The following ENPP1 variants were observed in gnomAD, a reference collection of about 807,000 sequenced individuals.
ENPP1 encodes ectonucleotide pyrophosphatase/phosphodiesterase 1, also known as ectonucleotide pyrophosphatase/phosphodiesterase family member 1.
In ENPP1, 73 loss-of-function variants were observed where a neutral mutation model predicts 122.8. That is an observed-to-expected ratio of 0.59 (90% CI 0.49 to 0.72). The LOEUF (loss-of-function observed/expected upper bound fraction) is 0.72, where lower values mean the gene tolerates loss of function less well. Among genes scored for constraint, ENPP1 ranks in the 30% least tolerant of loss-of-function variants. The pLI is 0.00. For synonymous variants in ENPP1, 367 were observed against 391.6 expected (o/e 0.94, Z 0.74); for missense variants, 978 against 1,128.1 (o/e 0.87, Z 1.91).
intron 1 of ENPP1, among the ~76,000 whole-genome samples, chr6:131,824,314 C>A (rs986107901): frequency 6.6e-6 from 1 of 152,082 alleles, no homozygotes; most frequent in East Asian, 1.9e-4. Flanking sequence ...AGGGGAAAGG[C>A]CCTGGGAGAG....
chr6:131,872,862 A>G lies in ENPP1; in HGVS notation c.1438-61A>G, dbSNP rs1031556169. The G allele has an allele frequency of 1.9e-6, 3 of 1,540,346 alleles. No individual in the cohort carries two copies. The African/African-American group carries it at 4.1e-5, about 21-fold the overall frequency. ...CCTAATAAATATCTTTCCCTAAAAA[A>G]GTTGACACTTTTTTAGATATTAGGG... On this transcript the variant is annotated intron_variant, in intron 14 of 24. Transcript: ENST00000647893.
At position 131,880,372 on chromosome 6, in the gene ENPP1, G is replaced by A. The variant is rs534565902; in HGVS notation, c.2100+338G>A. 2.0e-5 allele frequency among the ~76,000 whole-genome samples: 3 copies of A among 152,144 alleles called. No homozygotes were observed. In the South Asian group the frequency reaches 6.2e-4, roughly 32 times the overall value. On this transcript the variant is annotated intron_variant, in intron 20 of 24. Coordinates refer to ENST00000647893, the MANE Select transcript of ENPP1 (RefSeq NM_006208.3). ...AGGTCAGGAGATCGAGACCATCCTG[G>A]CTAACACGGTGAAACTCCATCTCTA...
intron 7 of ENPP1, among the ~76,000 whole-genome samples, chr6:131,859,011 GTGTTAATATTCTCT>G (rs1277777600): frequency 6.6e-6 from 1 of 152,110 alleles, no homozygotes; most frequent in African/African-American, 2.4e-5. Flanking sequence ...TTTCCTTTCA[GTGTTAATATTCTCT>G]GATTCTTGTA....
chr6:131,821,219 C>A (rs1781481265), intron 1 of ENPP1, among the ~76,000 whole-genome samples: 1 of 152,142 alleles, frequency 6.6e-6, no homozygotes, highest in Non-Finnish European at 1.5e-5. Context: ...TTTGTCTGAA[C>A]AATTAAGTTT....
Position 131,893,649 on chromosome 6 carries a change from C to A in ENPP1, c.*3138C>A, listed in dbSNP as rs1305090739. On this transcript the variant is annotated 3_prime_UTR_variant, in exon 25 of 25. Transcript: ENST00000647893. ...AAAATGTCAGTCTCTACATTCTATG[C>A]TGACTGTTAAGGAAAGAGCACCCAC... 2 of 152,204 alleles carry A rather than the reference C, an allele frequency of 1.3e-5. No homozygotes were observed. Among genetic ancestry groups the A allele is most frequent in the African/African-American group, 2.4e-5 (1 of 41,460 alleles). The allele number at this position is 152,204 out of a possible 1,614,324, so 9.4% of individuals were successfully genotyped here. A position where few individuals can be genotyped will look rare whatever the true frequency, so the allele number is the denominator to read the frequency against.
chr6:131,841,281 C>T (rs186955428), intron 1 of ENPP1, among the ~76,000 whole-genome samples: 10 of 152,324 alleles, frequency 6.6e-5, no homozygotes, highest in East Asian at 3.9e-4. Context: ...CTCCAGCAAA[C>T]GAAATCCCGT....
chr6:131,889,319 A>C (rs141346375), intron 24 of ENPP1, among the ~76,000 whole-genome samples: 1,626 of 152,248 alleles, frequency 0.011, 31 homozygotes, highest in African/African-American at 0.037. Flanking sequence ...TGCACAGATC[A>C]TCCCGTCACC....
chr6:131,859,793 C>T (rs1211973272), intron 7 of ENPP1, among the ~76,000 whole-genome samples: 8 of 152,108 alleles, frequency 5.3e-5, no homozygotes, highest in Admixed American at 5.2e-4. Flanking sequence ...CCTTTTGGTT[C>T]ACAGCAGGCT....
At chr6:131,810,454 C>T (rs535796446) in intron 1 of ENPP1, among the ~76,000 whole-genome samples, 1 of 142,930 alleles carries the variant, frequency 7.0e-6, no homozygotes, top group African/African-American at 2.7e-5. Context: ...CCCCGCCCCC[C>T]CCCCAAAAAC....
Position 131,876,973 on chromosome 6 carries a change from C to A in ENPP1, c.1724-19C>A, listed in dbSNP as rs765387857. 1 of 1,612,578 alleles carries A rather than the reference C, an allele frequency of 6.2e-7. No individual in the cohort carries two copies. The highest frequency in any genetic ancestry group is 1.1e-5 in the South Asian group (1 of 91,052). On this transcript the variant is annotated intron_variant, in intron 17 of 24. Coordinates refer to ENST00000647893, the MANE Select transcript of ENPP1 (RefSeq NM_006208.3). ...GATTTGAAACATCTAAGTAACTCTA[C>A]CATCTTGAAATTATGCAGATTTACT...
intron 1 of ENPP1, among the ~76,000 whole-genome samples, chr6:131,833,411 C>G (rs1781636899): frequency 1.3e-5 from 2 of 150,166 alleles, no homozygotes; most frequent in Admixed American, 6.6e-5. Context: ...ATTTTTATAC[C>G]CTATTATCTA....
rs1486613804 is a variant in ENPP1 at position 131,882,382 on chromosome 6, A to G, written c.2138A>G (p.Tyr713Cys). 1.9e-6 allele frequency: 3 copies of G among 1,605,912 alleles called. No individual in the cohort carries two copies. The highest frequency in any genetic ancestry group is 2.6e-6 in the Non-Finnish European group (3 of 1,174,494). Reference protein sequence around the residue: ...FSTEDFSNCLYQDFRIPLSPV... With the variant: ...FSTEDFSNCLCQDFRIPLSPV... Reference sequence around the variant, plus strand: ...ACGGAAGACTTCTCCAACTGTCTGTACCAGGACTTTAGAATTCCTCTTAGT... The same window carrying G: ...ACGGAAGACTTCTCCAACTGTCTGTGCCAGGACTTTAGAATTCCTCTTAGT... The change falls in exon 21 of 25, where the codon TAC (tyrosine) becomes TGC (cysteine). Residue 713 changes from tyrosine (Y) to cysteine (C), a missense_variant. Around this residue, in one of 3 missense-constraint regions of ENPP1, gnomAD observed 644 missense variants for 781.5 expected, o/e 0.82. Coordinates refer to ENST00000647893, the MANE Select transcript of ENPP1 (RefSeq NM_006208.3).
intron 1 of ENPP1, among the ~76,000 whole-genome samples, chr6:131,821,405 G>T (rs1032104675): frequency 6.6e-6 from 1 of 152,200 alleles, no homozygotes; most frequent in Non-Finnish European, 1.5e-5. Context: ...CTCAACTGTG[G>T]TTGCATTAGG....
intron 9 of ENPP1, among the ~76,000 whole-genome samples, chr6:131,862,373 A>G (rs1338878590): frequency 6.6e-6 from 1 of 152,188 alleles, no homozygotes. Context: ...TAACTGCCCA[A>G]CAGGTTCATC....
In ENPP1 at chr6:131,890,988, A is replaced by T. The variant is rs113086095; in HGVS notation, c.*477A>T. 2,449 of 150,780 alleles carry T rather than the reference A, an allele frequency of 0.016. 62 individuals are homozygous for T. The highest frequency in any genetic ancestry group is 0.059 in the African/African-American group (2,299 of 38,696). The allele number at this position is 150,780 out of a possible 1,614,324, so 9.3% of individuals were successfully genotyped here. A position where few individuals can be genotyped will look rare whatever the true frequency, so the allele number is the denominator to read the frequency against. ...TTAACTTGGAGTTTCATTTCTTTTC[A>T]TTGTAATCAAAAAAAAAATTAACAG... On this transcript the variant is annotated 3_prime_UTR_variant, in exon 25 of 25. Transcript: ENST00000647893.
intron 8 of ENPP1, among the ~76,000 whole-genome samples, chr6:131,861,069 C>T (rs1465666696): frequency 3.3e-5 from 5 of 152,108 alleles, no homozygotes; most frequent in Non-Finnish European, 5.9e-5. Context: ...AGTTAGTTTG[C>T]AGGTTATGAA....
chr6:131,846,819 T>G (rs1781817253), intron 1 of ENPP1, among the ~76,000 whole-genome samples: 1 of 152,138 alleles, frequency 6.6e-6, no homozygotes, highest in South Asian at 2.1e-4. Flanking sequence ...AAATTGAGGA[T>G]TGTTTTGTGG....
At chr6:131,870,836 T>C (rs982555677) in intron 13 of ENPP1, among the ~76,000 whole-genome samples, 1 of 152,168 alleles carries the variant, frequency 6.6e-6, no homozygotes, top group Non-Finnish European at 1.5e-5. Context: ...TCCAGCACTT[T>C]GGGAGGCCGA....
chr6:131,832,419 C>T (rs907207149), intron 1 of ENPP1, among the ~76,000 whole-genome samples: 2 of 152,164 alleles, frequency 1.3e-5, no homozygotes, highest in African/African-American at 2.4e-5. Context: ...GTTATTCCCT[C>T]AGAATGAAGC....
Sources: gnomAD v4.1 joint callset for allele counts (sites outside exome capture counted in the v4.1 genomes callset) on GRCh38, gnomAD v4.1.1 for gene constraint, gnomAD v4.1.1 regional missense constraint, MANE v1.5 for transcripts, NCBI Gene and HGNC (gene_info 2026-07-23, HGNC 2026-07-21) for gene names.